The following SEMA3D variants were observed in gnomAD, a reference collection of about 807,000 sequenced individuals.
SEMA3D encodes the protein semaphorin-3D.
In SEMA3D, 84 loss-of-function variants were observed where a neutral mutation model predicts 100.1. The observed-to-expected ratio is 0.84, with a 90% CI of 0.70 to 1.01. The LOEUF (loss-of-function observed/expected upper bound fraction) is 1.01, where lower values mean the gene tolerates loss of function less well. Among genes scored for constraint, SEMA3D ranks in the 50% least tolerant of loss-of-function variants. The probability of loss-of-function intolerance (pLI) is 0.00; values close to 1 mark genes in which losing one functional copy is unlikely to be tolerated. For synonymous variants in SEMA3D, 312 were observed against 320.7 expected (o/e 0.97, Z 0.29); for missense variants, 875 against 934.1 (o/e 0.94, Z 0.82).
chr7:85,235,508 A>T, the SEMA3D span, among the ~76,000 whole-genome samples: 2 of 152,310 alleles, frequency 1.3e-5, no homozygotes. Context: ...CTCAGAGGGA[A>T]AAGGAAGGTA....
At chr7:85,202,982 G>A in the SEMA3D span, among the ~76,000 whole-genome samples, 4 of 152,178 alleles carry the variant, frequency 2.6e-5, no homozygotes, top group Non-Finnish European at 4.4e-5. Flanking sequence ...AAATTGAAAC[G>A]TTTTCATAGT....
intron 1 of SEMA3D, chr7:85,159,876 G>C (rs1281093194): frequency 2.0e-6 from 2 of 984,768 alleles, no homozygotes; most frequent in Non-Finnish European, 2.4e-6. Flanking sequence ...TATGACTGGA[G>C]GAAGGAAGCA....
chr7:85,170,479 G>C (rs1057002894), intron 1 of SEMA3D, among the ~76,000 whole-genome samples: 2 of 151,862 alleles, frequency 1.3e-5, no homozygotes, highest in Non-Finnish European at 2.9e-5. Context: ...GAATCTCAGG[G>C]AATCTAGGTC....
At chr7:85,227,632 T>C in the SEMA3D span, among the ~76,000 whole-genome samples, 6 of 152,282 alleles carry the variant, frequency 3.9e-5, no homozygotes, top group East Asian at 1.2e-3. Flanking sequence ...GGCATCTAAT[T>C]TGAAAACATG....
intron 2 of SEMA3D, among the ~76,000 whole-genome samples, chr7:85,132,918 G>A (rs569057577): frequency 6.6e-6 from 1 of 151,834 alleles, no homozygotes; most frequent in Non-Finnish European, 1.5e-5. Context: ...CTCTTAATAC[G>A]TATAAGGGAG....
intron 4 of SEMA3D, among the ~76,000 whole-genome samples, chr7:85,086,018 C>A (rs113920272): frequency 0.011 from 1,727 of 152,222 alleles, 36 homozygotes; most frequent in African/African-American, 0.039. Context: ...ATGTTATATA[C>A]AAGCACAGGG....
rs761260095 is a variant in SEMA3D at position 85,055,823 on chromosome 7, G to A, written c.755C>T (p.Thr252Ile). The A allele has an allele frequency of 1.3e-6, 2 of 1,577,298 alleles. No individual in the cohort carries two copies. Among genetic ancestry groups the A allele is most frequent in the Admixed American group, 1.7e-5 (1 of 58,216 alleles). ...TATTTTATCATCATCTGGATTGTAG[G>A]TGTCTGGTATGAAGAAAGTTCCAAT... The part of the protein sequence containing the change: ...KFIGTFFIPD[T>I]YNPDDDKIYF... Residue 252 changes from threonine (T) to isoleucine (I), a missense_variant, in exon 9 of 19, where the codon ACC becomes ATC. Transcript: ENST00000284136.
chr7:85,243,587 G>C, the SEMA3D span, among the ~76,000 whole-genome samples: 1 of 152,072 alleles, frequency 6.6e-6, no homozygotes, highest in Non-Finnish European at 1.5e-5. Context: ...TGATTTTTTA[G>C]TTTGTTCAGC....
At chr7:85,000,973 G>A (rs950127808) in intron 18 of SEMA3D, among the ~76,000 whole-genome samples, 12 of 152,276 alleles carry the variant, frequency 7.9e-5, no homozygotes, top group Non-Finnish European at 1.5e-4. Context: ...TGGAAATCAA[G>A]GAGGCATAAA....
chr7:85,243,757 C>A, the SEMA3D span, among the ~76,000 whole-genome samples: 2 of 152,076 alleles, frequency 1.3e-5, no homozygotes, highest in African/African-American at 4.8e-5. Flanking sequence ...ACTTGCAGTT[C>A]TTTTCAGGAA....
intron 4 of SEMA3D, among the ~76,000 whole-genome samples, chr7:85,094,472 T>C (rs897056344): frequency 3.3e-5 from 5 of 151,994 alleles, no homozygotes; most frequent in African/African-American, 1.2e-4. Context: ...CAGCTGAGGC[T>C]TTTGCTGGGG....
chr7:85,062,856 CAG>C (rs1791515018), intron 8 of SEMA3D, among the ~76,000 whole-genome samples: 1 of 152,104 alleles, frequency 6.6e-6, no homozygotes, highest in African/African-American at 2.4e-5. Flanking sequence ...ACACAGGAAA[CAG>C]TTGAAACTAT....
chr7:85,062,261 C>G (rs78280163), intron 8 of SEMA3D, among the ~76,000 whole-genome samples: 4,971 of 152,032 alleles, frequency 0.033, 289 homozygotes, highest in African/African-American at 0.11. Flanking sequence ...TTTAAAAGTG[C>G]CAAAGATAGG....
intron 12 of SEMA3D, among the ~76,000 whole-genome samples, chr7:85,034,198 C>T (rs1476615391): frequency 6.6e-6 from 1 of 151,938 alleles, no homozygotes. Flanking sequence ...GTTTGTAAAA[C>T]CTTTAGAATA....
the SEMA3D span, among the ~76,000 whole-genome samples, chr7:85,206,983 T>C: frequency 6.6e-6 from 1 of 152,092 alleles, no homozygotes; most frequent in African/African-American, 2.4e-5. Flanking sequence ...TAATAAGGAA[T>C]TTGATAAGGA....
chr7:85,054,890 T>C lies in SEMA3D; in HGVS notation c.861+827A>G, dbSNP rs149793566. 2.6e-3 allele frequency among the ~76,000 whole-genome samples: 401 copies of C among 152,228 alleles called. 4 individuals are homozygous for C. Among genetic ancestry groups the C allele is most frequent in the African/African-American group, 9.2e-3 (382 of 41,560 alleles). On this transcript the variant is annotated intron_variant, in intron 9 of 18. Coordinates refer to ENST00000284136, the MANE Select transcript of SEMA3D (RefSeq NM_001384900.1). ...AAAATAATATACTGAAGTTAAAGTA[T>C]GATTCTAGTAGCAACATTATTCCAT...
chr7:85,122,688 A>C (rs921071815), intron 2 of SEMA3D, among the ~76,000 whole-genome samples: 7 of 152,186 alleles, frequency 4.6e-5, no homozygotes, highest in African/African-American at 9.7e-5. Flanking sequence ...ATTACACTTA[A>C]ATGTGAGAAA....
chr7:85,094,183 T>G (rs1308147314), intron 4 of SEMA3D, among the ~76,000 whole-genome samples: 1 of 151,748 alleles, frequency 6.6e-6, no homozygotes, highest in Non-Finnish European at 1.5e-5. Context: ...GAACAATGAA[T>G]AGTTAACAGT....
At chr7:85,186,484 C>A (rs904868504) in intron 1 of SEMA3D, among the ~76,000 whole-genome samples, 194 bp downstream of exon 1, 1 of 152,140 alleles carries the variant, frequency 6.6e-6, no homozygotes, top group Non-Finnish European at 1.5e-5. Context: ...GCGATTACTG[C>A]GCACCGATTT....
Sources: allele counts gnomAD v4.1 joint callset (sites outside exome capture counted in the v4.1 genomes callset), GRCh38; gene constraint gnomAD v4.1.1; transcripts MANE v1.5; gene names NCBI Gene and HGNC (gene_info 2026-07-23, HGNC 2026-07-21).